FRMPD1: variants seen among roughly 807,000 people sequenced by gnomAD.
FRMPD1 encodes the protein FERM and PDZ domain containing 1.
FRMPD1 carries 76 observed loss-of-function variants against 117.8 expected under a neutral mutation model. The observed-to-expected ratio is 0.65, with a 90% CI of 0.54 to 0.78. The LOEUF is 0.78. FRMPD1 is among the 30% of genes least tolerant of loss of function. FRMPD1 has a pLI of 0.00. For missense variants in FRMPD1, 1,786 were observed against 1,964.5 expected (o/e 0.91, Z 1.72); for synonymous variants, 783 against 770.4 (o/e 1.02, Z -0.27).
chr9:37,725,482 TAC>T (rs1823582556), intron 7 of FRMPD1, among the ~76,000 whole-genome samples: 1 of 152,216 alleles, frequency 6.6e-6, no homozygotes, highest in Non-Finnish European at 1.5e-5. Context: ...ACAATGTACA[TAC>T]ACCTGTACGC....
chr9:37,716,023 C>G (rs778505820), intron 5 of FRMPD1, among the ~76,000 whole-genome samples: 2 of 152,130 alleles, frequency 1.3e-5, no homozygotes, highest in Non-Finnish European at 2.9e-5. Context: ...TGAGAGCTTT[C>G]GGGACAAGAG....
chr9:37,705,393 T>A (rs753231883), intron 2 of FRMPD1, among the ~76,000 whole-genome samples: 4 of 152,174 alleles, frequency 2.6e-5, no homozygotes, highest in Non-Finnish European at 4.4e-5. Flanking sequence ...AGTGGCATGA[T>A]CTCAGCTCAC....
chr9:37,722,247 T>C (rs1384851685), intron 6 of FRMPD1, among the ~76,000 whole-genome samples: 1 of 151,550 alleles, frequency 6.6e-6, no homozygotes, highest in Non-Finnish European at 1.5e-5. Context: ...AGACAGAGGC[T>C]GCAGTGAACC....
chr9:37,626,661 C>T, the FRMPD1 span, among the ~76,000 whole-genome samples: 62 of 64,210 alleles, frequency 9.7e-4, no homozygotes, highest in Non-Finnish European at 1.0e-3. Flanking sequence ...TGGTGGCATT[C>T]ATCTGTAGTC....
At chr9:37,644,387 C>T in the FRMPD1 span, among the ~76,000 whole-genome samples, 3 of 152,114 alleles carry the variant, frequency 2.0e-5, no homozygotes, top group Non-Finnish European at 2.9e-5. Context: ...CAATGGTGGA[C>T]GGTGTGGCAG....
chr9:37,682,901 A>G (rs919071232), intron 1 of FRMPD1, among the ~76,000 whole-genome samples: 27 of 152,228 alleles, frequency 1.8e-4, no homozygotes, highest in Admixed American at 1.8e-3. Flanking sequence ...TTCACATACC[A>G]TCAAATTGAC....
chr9:37,737,415 A>G (rs1208132174), intron 14 of FRMPD1, among the ~76,000 whole-genome samples, 172 bp downstream of exon 14: 1 of 152,230 alleles, frequency 6.6e-6, no homozygotes, highest in Non-Finnish European at 1.5e-5. Flanking sequence ...CATAAATACT[A>G]AACAAAGAAG....
rs1172575840 is a variant in FRMPD1, at chr9:37,745,707, G to T, written c.3675G>T (p.Gly1225=). The T allele has an allele frequency of 1.1e-5, 17 of 1,614,140 alleles. No individual in the cohort carries two copies. Among genetic ancestry groups the T allele is most frequent in the Non-Finnish European group, 1.4e-5 (17 of 1,180,004 alleles). ...QTVSPAVPPE[G]IKAEAPNHVT... Reference sequence around the variant, plus strand: ...TTTCACCAGCCGTCCCTCCAGAGGGGATCAAGGCAGAGGCACCTAACCATG... The same window carrying T: ...TTTCACCAGCCGTCCCTCCAGAGGGTATCAAGGCAGAGGCACCTAACCATG... Residue 1225 remains glycine, a synonymous_variant, in exon 16 of 16, where the codon GGG becomes GGT. Transcript: ENST00000377765.
chr9:37,700,030 GA>G (rs947961354), intron 2 of FRMPD1, among the ~76,000 whole-genome samples: 2 of 152,164 alleles, frequency 1.3e-5, no homozygotes, highest in African/African-American at 4.8e-5. Flanking sequence ...CTAATTTTAA[GA>G]ATGGTTTTGT....
At chr9:37,729,591 C>A in intron 7 of FRMPD1, 137 bp from the exon 8 acceptor site, 1 of 848,284 alleles carries the variant, frequency 1.2e-6, no homozygotes. Flanking sequence ...ATGAGTGGGA[C>A]CAGACTCTGG....
chr9:37,653,795 A>C (rs140821793), intron 1 of FRMPD1, among the ~76,000 whole-genome samples: 1,585 of 152,254 alleles, frequency 0.01, 9 homozygotes, highest in Non-Finnish European at 0.016. Context: ...TCTCTACAAA[A>C]AATTTACAAA....
intron 1 of FRMPD1, among the ~76,000 whole-genome samples, chr9:37,678,339 C>T (rs1821604932): frequency 6.9e-6 from 1 of 145,886 alleles, no homozygotes; most frequent in South Asian, 2.2e-4. Context: ...CGGCTCACTG[C>T]AACCTCCACC....
Position 37,663,300 on chromosome 9 carries a change from T to A in FRMPD1, c.-5+12206T>A, listed in dbSNP as rs368512972. ...GATCTGGATAGATGGATGCTGAAGA[T>A]GGTTCTTCAGGAAGTCTTTTGGAGG... is the stretch of plus-strand genomic sequence containing the variant. On this transcript the variant is annotated intron_variant, in intron 1 of 15. Transcript: ENST00000377765. Among the ~76,000 whole-genome samples, 19 of 152,184 alleles carry A rather than the reference T, an allele frequency of 1.2e-4. No individual in the cohort carries two copies. In the East Asian group the frequency reaches 2.7e-3, roughly 22 times the overall value.
chr9:37,660,819 G>A (rs1329907721), intron 1 of FRMPD1, among the ~76,000 whole-genome samples: 1 of 152,148 alleles, frequency 6.6e-6, no homozygotes, highest in Non-Finnish European at 1.5e-5. Context: ...CAGGGACCGA[G>A]CCTTGCTGCT....
intron 1 of FRMPD1, among the ~76,000 whole-genome samples, chr9:37,658,587 T>A (rs1820907871): frequency 6.6e-6 from 1 of 152,292 alleles, no homozygotes; most frequent in Non-Finnish European, 1.5e-5. Context: ...AGGGGAATCC[T>A]TCCTTTGTCA....
the FRMPD1 span, among the ~76,000 whole-genome samples, chr9:37,633,502 G>A: frequency 1.3e-5 from 2 of 152,172 alleles, no homozygotes; most frequent in Non-Finnish European, 2.9e-5. Flanking sequence ...TTGTATCAAA[G>A]TAATACTTCT....
At chr9:37,706,822 G>A (rs1207402512) in intron 2 of FRMPD1, among the ~76,000 whole-genome samples, 1 of 152,146 alleles carries the variant, frequency 6.6e-6, no homozygotes, top group Admixed American at 6.5e-5. Context: ...TCAAACATCT[G>A]AACCTGACAA....
Position 37,745,053 on chromosome 9 carries a change from G to A in FRMPD1, c.3021G>A (p.Glu1007=), listed in dbSNP as rs1372957287. The A allele has an allele frequency of 6.2e-7, 1 of 1,614,150 alleles. No individual in the cohort carries two copies. Among genetic ancestry groups the A allele is most frequent in the South Asian group, 1.1e-5 (1 of 91,088 alleles). ...TTGCCCCCAAAGAACCAACCATAGA[G>A]CATGGAGACAGCTCCTTCTCCCTCT... ...DGIAPKEPTI[E]HGDSSFSLSS... The change falls in exon 16 of 16, where the codon GAG becomes GAA. Residue 1007 remains glutamate, a synonymous_variant. Coordinates refer to ENST00000377765, the MANE Select transcript of FRMPD1 (RefSeq NM_014907.3).
At chr9:37,735,513 C>G (rs1824077308) in intron 12 of FRMPD1, 39 bp from the exon 13 acceptor site, 2 of 1,472,790 alleles carry the variant, frequency 1.4e-6, no homozygotes, top group Non-Finnish European at 1.9e-6. Context: ...TTTTCACTCG[C>G]TTGCGAATGG....
Sources: allele counts gnomAD v4.1 joint callset (sites outside exome capture counted in the v4.1 genomes callset), GRCh38; gene constraint gnomAD v4.1.1; transcripts MANE v1.5; gene names NCBI Gene and HGNC (gene_info 2026-07-23, HGNC 2026-07-21).